ZCCHC14: variants seen among roughly 807,000 people sequenced by gnomAD.
ZCCHC14 encodes the protein zinc finger CCHC-type containing 14, also known as zinc finger CCHC domain-containing protein 14.
ZCCHC14 carries 16 observed loss-of-function variants against 85.0 expected under a neutral mutation model. The ratio of observed to expected loss-of-function variants is 0.19; its 90% CI spans 0.13 to 0.29. ZCCHC14 has a LOEUF of 0.29. ZCCHC14 is among the 10% of genes least tolerant of loss of function. ZCCHC14 has a pLI of 1.00. For synonymous variants in ZCCHC14, 775 were observed against 630.7 expected (o/e 1.23, Z -3.43); for missense variants, 1,303 against 1,443.5 (o/e 0.90, Z 1.58).
At chr16:87,454,313 A>C (rs1910847508) in intron 2 of ZCCHC14, among the ~76,000 whole-genome samples, 1 of 152,242 alleles carries the variant, frequency 6.6e-6, no homozygotes, top group East Asian at 1.9e-4. Context: ...TTCAGTAAAC[A>C]AGAAATGAAA....
chr16:87,436,722 TAAAAGAAA>T (rs754818527), intron 2 of ZCCHC14, among the ~76,000 whole-genome samples: 188 of 151,844 alleles, frequency 1.2e-3, no homozygotes, highest in Non-Finnish European at 2.3e-3. Context: ...CCCCAGAACT[TAAAAGAAA>T]AAAAGAAAAA....
intron 1 of ZCCHC14, among the ~76,000 whole-genome samples, chr16:87,469,444 C>T (rs897818875): frequency 2.6e-5 from 4 of 152,230 alleles, no homozygotes; most frequent in African/African-American, 9.6e-5. Flanking sequence ...GATTTGTGCA[C>T]ATTAAATCCA....
chr16:87,484,453 G>A (rs1912423795), intron 1 of ZCCHC14, among the ~76,000 whole-genome samples: 1 of 152,240 alleles, frequency 6.6e-6, no homozygotes, highest in Non-Finnish European at 1.5e-5. Flanking sequence ...AGGAATAACT[G>A]AAGGTGAGGA....
At chr16:87,486,366 A>G (rs1461632922) in intron 1 of ZCCHC14, among the ~76,000 whole-genome samples, 7 of 152,240 alleles carry the variant, frequency 4.6e-5, no homozygotes, top group African/African-American at 1.4e-4. Context: ...TAGATACACA[A>G]ATACCACTGG....
Position 87,491,058 on chromosome 16 carries a change from G to A in ZCCHC14, c.570+611C>T, listed in dbSNP as rs1167390405. ...CTTCCTTTTCTGGTAATAAATACCAGATTTGGGGAAACCAAGGCGCCGCAA... is the reference window on the plus strand; with the variant it reads ...CTTCCTTTTCTGGTAATAAATACCAAATTTGGGGAAACCAAGGCGCCGCAA... On this transcript the variant is annotated intron_variant, in intron 1 of 12. Transcript: ENST00000671377. This position sits in a 1 kb window ranked among gnomAD's most constrained non-coding sequence, Gnocchi z 5.9. Among the ~76,000 whole-genome samples, 5 of 152,250 alleles carry A rather than the reference G, an allele frequency of 3.3e-5. No homozygotes were observed. Among genetic ancestry groups the A allele is most frequent in the Admixed American group, 1.3e-4 (2 of 15,288 alleles).
At chr16:87,417,197 G>C (rs1331833201) in intron 8 of ZCCHC14, among the ~76,000 whole-genome samples, 1 of 152,148 alleles carries the variant, frequency 6.6e-6, no homozygotes, top group East Asian at 1.9e-4. Context: ...GGGACGGACT[G>C]TCCCTCCCGT....
Position 87,491,609 on chromosome 16 carries a change from G to C in ZCCHC14, c.570+60C>G, listed in dbSNP as rs570051715. The C allele has an allele frequency of 8.2e-6, 11 of 1,334,468 alleles. No individual in the cohort carries two copies. In the South Asian group the frequency reaches 2.0e-4, roughly 24 times the overall value. The allele number at this position is 1,334,468 out of a possible 1,614,324, so 82.7% of individuals were successfully genotyped here. On this transcript the variant is annotated intron_variant, in intron 1 of 12. Transcript: ENST00000671377. The surrounding 1 kb of genome is among the most constrained non-coding windows in gnomAD (Gnocchi z 5.9). ...GGTCGCGGTGCAGGCTGGAGGCTTGGAGTGCAGAGTTGGGGATGCAGACTT... is the reference window on the plus strand; with the variant it reads ...GGTCGCGGTGCAGGCTGGAGGCTTGCAGTGCAGAGTTGGGGATGCAGACTT...
intron 8 of ZCCHC14, 116 bp from the exon 9 acceptor site, chr16:87,415,483 C>G (rs1278782278): frequency 2.5e-5 from 21 of 838,110 alleles, no homozygotes; most frequent in African/African-American, 3.4e-5. Flanking sequence ...GCAAACAGAT[C>G]CAGCTGAACT....
At chr16:87,446,114 C>A (rs1282583565) in intron 2 of ZCCHC14, among the ~76,000 whole-genome samples, 1 of 150,704 alleles carries the variant, frequency 6.6e-6, no homozygotes, top group East Asian at 1.9e-4. Flanking sequence ...TTGTAGTGAG[C>A]CAAGATCGCG....
intron 1 of ZCCHC14, among the ~76,000 whole-genome samples, chr16:87,485,302 G>T (rs1912465774): frequency 6.6e-6 from 1 of 152,118 alleles, no homozygotes; most frequent in Non-Finnish European, 1.5e-5. Flanking sequence ...TTTTAACCCA[G>T]AACAAAACAG....
intron 1 of ZCCHC14, among the ~76,000 whole-genome samples, chr16:87,481,554 A>AGGGG (rs1304982221): frequency 2.9e-4 from 1 of 3,414 alleles, no homozygotes; most frequent in Non-Finnish European, 6.4e-4. Flanking sequence ...GGGGGGGGGA[A>AGGGG]GGGTAAGCGG....
chr16:87,450,432 T>C (rs1449836701), intron 2 of ZCCHC14, among the ~76,000 whole-genome samples: 1 of 152,248 alleles, frequency 6.6e-6, no homozygotes, highest in Admixed American at 6.5e-5. Context: ...AATGTTATAC[T>C]TAAGAACATG....
chr16:87,426,248 C>T (rs1909364783), intron 3 of ZCCHC14, among the ~76,000 whole-genome samples: 1 of 152,176 alleles, frequency 6.6e-6, no homozygotes, highest in Non-Finnish European at 1.5e-5. Context: ...GTTAGAGGGG[C>T]ATGGGGGCGG....
intron 2 of ZCCHC14, among the ~76,000 whole-genome samples, chr16:87,459,315 T>A (rs1911137709): frequency 6.6e-6 from 1 of 150,806 alleles, no homozygotes; most frequent in Non-Finnish European, 1.5e-5. Flanking sequence ...CCATGTGGGG[T>A]GGGGAGGAGG....
At chr16:87,463,246 G>A (rs532026122) in intron 1 of ZCCHC14, among the ~76,000 whole-genome samples, 12 of 152,188 alleles carry the variant, frequency 7.9e-5, no homozygotes, top group South Asian at 2.1e-4. Context: ...GCTGGGTGTC[G>A]TGGCCTGTGC....
chr16:87,428,736 G>A (rs1027371712), intron 3 of ZCCHC14, among the ~76,000 whole-genome samples: 16 of 152,234 alleles, frequency 1.1e-4, no homozygotes, highest in African/African-American at 3.9e-4. Context: ...TGCTACAGAT[G>A]AGTCTGCATT....
At position 87,433,253 on chromosome 16, in the gene ZCCHC14, C is replaced by T. The variant is rs1175091922; in HGVS notation, c.695-52G>A. The T allele has an allele frequency of 4.6e-6, 7 of 1,533,202 alleles. No homozygotes were observed. The South Asian group carries it at 8.0e-5, about 17-fold the overall frequency. 95.0% of individuals were successfully genotyped at this position (1,533,202 alleles called of 1,614,324 possible). On this transcript the variant is annotated intron_variant, in intron 2 of 12. Coordinates refer to ENST00000671377, the MANE Select transcript of ZCCHC14 (RefSeq NM_015144.3). ...ATGAAATAAGAGCTTGAAGTATATACATGATTATTTAGCATTTGATATTCA... is the reference window on the plus strand; with the variant it reads ...ATGAAATAAGAGCTTGAAGTATATATATGATTATTTAGCATTTGATATTCA...
At chr16:87,435,769 G>C (rs1653399866) in intron 2 of ZCCHC14, among the ~76,000 whole-genome samples, 2 of 152,228 alleles carry the variant, frequency 1.3e-5, no homozygotes, top group Non-Finnish European at 2.9e-5. Flanking sequence ...GCTTAAAATA[G>C]CACCTCACAG....
intron 1 of ZCCHC14, among the ~76,000 whole-genome samples, chr16:87,482,031 C>A (rs8045766): frequency 0.67 from 101,308 of 151,966 alleles, 37,726 homozygotes; most frequent in Non-Finnish European, 0.85. Context: ...AACCACTCTC[C>A]GGTGACAAGG....
Sources: allele counts gnomAD v4.1 joint callset (sites outside exome capture counted in the v4.1 genomes callset), GRCh38; gene constraint gnomAD v4.1.1; non-coding constraint Gnocchi (gnomAD v3.1); transcripts MANE v1.5; gene names NCBI Gene and HGNC (gene_info 2026-07-23, HGNC 2026-07-21).